RAB27A: variants seen among roughly 807,000 people sequenced by gnomAD.
RAB27A encodes the protein RAB27A, member RAS oncogene family.
In RAB27A, 17 loss-of-function variants were observed where a neutral mutation model predicts 20.8. The ratio of observed to expected loss-of-function variants is 0.82; its 90% CI spans 0.56 to 1.23. The LOEUF is 1.23. Ranked by LOEUF, RAB27A falls within the 50% of genes most tolerant of loss-of-function variation. The pLI is 0.00. For synonymous variants in RAB27A, 85 were observed against 92.8 expected, an observed-to-expected ratio of 0.92 and a Z score of 0.48; for missense variants, 277 against 266.7, an observed-to-expected ratio of 1.04 and a Z score of -0.27.
At chr15:55,303,864 A>G (rs2054986343) in intron 2 of RAB27A, among the ~76,000 whole-genome samples, 1 of 139,300 alleles carries the variant, frequency 7.2e-6, no homozygotes, top group African/African-American at 2.9e-5. Context: ...CTGCCCAGCC[A>G]GCCGGCCCGT....
intron 3 of RAB27A, among the ~76,000 whole-genome samples, chr15:55,233,278 CAGT>C (rs1455022575): frequency 6.6e-6 from 1 of 151,850 alleles, no homozygotes. Context: ...AAGTTTTACA[CAGT>C]ATTAAAATTA....
intron 6 of RAB27A, among the ~76,000 whole-genome samples, chr15:55,215,005 GA>G (rs1182156629): frequency 6.6e-6 from 1 of 152,076 alleles, no homozygotes; most frequent in Non-Finnish European, 1.5e-5. Flanking sequence ...GAGAGGGTTT[GA>G]CCATTCTATC....
At chr15:55,240,977 T>C (rs1896456122) in intron 2 of RAB27A, among the ~76,000 whole-genome samples, 1 of 152,194 alleles carries the variant, frequency 6.6e-6, no homozygotes, top group South Asian at 2.1e-4. Flanking sequence ...CTGAGGGCTG[T>C]TGTGAGGACT....
intron 2 of RAB27A, among the ~76,000 whole-genome samples, chr15:55,267,191 G>A (rs1897525195): frequency 6.6e-6 from 1 of 152,174 alleles, no homozygotes; most frequent in Non-Finnish European, 1.5e-5. Flanking sequence ...ACTTATCATT[G>A]AGCTATTTGC....
At chr15:55,263,516 T>C (rs11634665) in intron 2 of RAB27A, among the ~76,000 whole-genome samples, 34,208 of 152,158 alleles carry the variant, frequency 0.22, 4,813 homozygotes, top group East Asian at 0.56. Context: ...TTGAACACAG[T>C]ACTATATTTA....
At chr15:55,305,999 TG>T (rs1016760130) in intron 2 of RAB27A, among the ~76,000 whole-genome samples, 2 of 151,982 alleles carry the variant, frequency 1.3e-5, no homozygotes, top group Non-Finnish European at 2.9e-5. Flanking sequence ...TAGATGGTCA[TG>T]GGGGGCACTA....
At chr15:55,209,026 T>C (rs1014512010) in intron 6 of RAB27A, among the ~76,000 whole-genome samples, 3 of 152,244 alleles carry the variant, frequency 2.0e-5, no homozygotes, top group African/African-American at 4.8e-5. Flanking sequence ...TTTTTATTTA[T>C]GCATAATATA....
intron 3 of RAB27A, among the ~76,000 whole-genome samples, chr15:55,231,524 C>T (rs373152786): frequency 1.3e-5 from 2 of 152,054 alleles, no homozygotes; most frequent in African/African-American, 2.4e-5. Flanking sequence ...GAAAAACAGC[C>T]GAATATCAGT....
At chr15:55,285,327 A>C (rs994896034) in intron 1 of RAB27A, among the ~76,000 whole-genome samples, 1 of 151,178 alleles carries the variant, frequency 6.6e-6, no homozygotes, top group South Asian at 2.1e-4. Flanking sequence ...AAAAAAAAAA[A>C]CAGGAAAGGA....
intron 1 of RAB27A, among the ~76,000 whole-genome samples, chr15:55,315,576 A>G (rs1297143718): frequency 1.3e-5 from 2 of 152,226 alleles, no homozygotes; most frequent in Admixed American, 6.5e-5. Context: ...AAACAACCCC[A>G]TCAAAAAGTG....
chr15:55,283,980 C>T (rs939676983), intron 1 of RAB27A, among the ~76,000 whole-genome samples: 1 of 152,090 alleles, frequency 6.6e-6, no homozygotes, highest in African/African-American at 2.4e-5. Context: ...TAAACTATAG[C>T]AAATAAGAAT....
At chr15:55,277,436 A>T (rs1328137023) in intron 1 of RAB27A, among the ~76,000 whole-genome samples, 2 of 152,160 alleles carry the variant, frequency 1.3e-5, no homozygotes, top group Non-Finnish European at 2.9e-5. Flanking sequence ...TGAGGCCAGG[A>T]GTTCGAGACC....
intron 2 of RAB27A, among the ~76,000 whole-genome samples, chr15:55,236,323 G>T (rs866496275): frequency 1.3e-5 from 2 of 151,978 alleles, no homozygotes; most frequent in African/African-American, 4.8e-5. Context: ...TTTAGTCCCT[G>T]CTTCCTTACA....
chr15:55,235,552 A>G (rs1480916222), intron 2 of RAB27A, among the ~76,000 whole-genome samples: 1 of 152,178 alleles, frequency 6.6e-6, no homozygotes, highest in Non-Finnish European at 1.5e-5. Flanking sequence ...ACAAGAAGGT[A>G]ACAGTCACTA....
chr15:55,296,301 G>C (rs534517806), intron 2 of RAB27A, among the ~76,000 whole-genome samples: 1 of 150,700 alleles, frequency 6.6e-6, no homozygotes, highest in East Asian at 2.1e-4. Flanking sequence ...TTCCAGACCA[G>C]CCTGGCCAAC....
At chr15:55,267,821 A>G (rs1466665381) in intron 2 of RAB27A, among the ~76,000 whole-genome samples, 1 of 152,208 alleles carries the variant, frequency 6.6e-6, no homozygotes, top group East Asian at 1.9e-4. Context: ...AGAGGGCGGA[A>G]GCTGAAACAG....
chr15:55,238,869 T>C (rs944777319), intron 2 of RAB27A, among the ~76,000 whole-genome samples: 1 of 152,184 alleles, frequency 6.6e-6, no homozygotes, highest in Non-Finnish European at 1.5e-5. Flanking sequence ...CAAATCCATA[T>C]AAAATACACC....
chr15:55,239,738 G>A (rs1377750381), intron 2 of RAB27A, among the ~76,000 whole-genome samples: 1 of 152,164 alleles, frequency 6.6e-6, no homozygotes, highest in Non-Finnish European at 1.5e-5. Context: ...GTTCAAAACT[G>A]ATCACGCTGA....
At chr15:55,218,761 G>A (rs1174203262) in intron 6 of RAB27A, among the ~76,000 whole-genome samples, 1 of 122,786 alleles carries the variant, frequency 8.1e-6, no homozygotes, top group African/African-American at 3.3e-5. Flanking sequence ...TTTTTTTTTA[G>A]AGGCAGAGCC....
Sources: allele counts gnomAD v4.1 joint callset (sites outside exome capture counted in the v4.1 genomes callset), GRCh38; gene constraint gnomAD v4.1.1; transcripts MANE v1.5; gene names NCBI Gene and HGNC (gene_info 2026-07-23, HGNC 2026-07-21).